HOOK3: variants seen among roughly 807,000 people sequenced by gnomAD.
HOOK3 encodes protein Hook homolog 3.
HOOK3 carries 24 observed loss-of-function variants against 116.3 expected under a neutral mutation model. The observed-to-expected ratio is 0.21, with a 90% CI of 0.15 to 0.29. HOOK3 has a LOEUF of 0.29. Ranked by LOEUF, HOOK3 falls within the 10% of genes least tolerant of loss-of-function variation. The probability of loss-of-function intolerance (pLI) is 1.00; values close to 1 mark genes in which losing one functional copy is unlikely to be tolerated. For missense variants in HOOK3, 632 were observed against 830.2 expected, an observed-to-expected ratio of 0.76 and a Z score of 2.93; for synonymous variants, 275 against 283.0, an observed-to-expected ratio of 0.97 and a Z score of 0.28.
chr8:42,954,083 T>C (rs1808391645), intron 6 of HOOK3, among the ~76,000 whole-genome samples: 2 of 152,178 alleles, frequency 1.3e-5, no homozygotes, highest in Admixed American at 1.3e-4. Flanking sequence ...AAGCATATCT[T>C]TGAAAAATAT....
intron 14 of HOOK3, among the ~76,000 whole-genome samples, chr8:42,984,905 A>G (rs755446624): frequency 1.3e-5 from 2 of 152,230 alleles, no homozygotes; most frequent in African/African-American, 2.4e-5. Flanking sequence ...TGTCTGAAAA[A>G]AAAGAACAAT....
rs1304856774 is a variant in HOOK3, at chr8:43,022,377, A to C, written c.*3879A>C. 4 of 205,248 alleles carry C rather than the reference A, an allele frequency of 1.9e-5. No individual in the cohort carries two copies. In the East Asian group the frequency reaches 3.0e-4, roughly 15 times the overall value. The allele number at this position is 205,248 out of a possible 1,614,324, so 12.7% of individuals were successfully genotyped here. ...TTCCTGGGGCCACGTTGGCTTGTGC[A>C]GTGGAGCTTGTCCAGGCACCAGCAT... On this transcript the variant is annotated 3_prime_UTR_variant, in exon 22 of 22. Transcript: ENST00000307602.
chr8:43,008,258 T>G (rs1015327987), intron 18 of HOOK3, among the ~76,000 whole-genome samples: 22 of 152,064 alleles, frequency 1.4e-4, no homozygotes, highest in African/African-American at 5.3e-4. Context: ...GACCTCGTGA[T>G]CTGCCCGCCT....
intron 5 of HOOK3, among the ~76,000 whole-genome samples, chr8:42,949,833 C>T (rs973164088): frequency 1.3e-5 from 2 of 151,240 alleles, no homozygotes; most frequent in East Asian, 1.9e-4. Flanking sequence ...AGGAGAGTGG[C>T]GTGAACCTGG....
At chr8:43,001,973 G>T in intron 16 of HOOK3, 134 bp from the exon 17 acceptor site, 1 of 597,480 alleles carries the variant, frequency 1.7e-6, no homozygotes. Context: ...TACATTGTGT[G>T]TTTTCAGCTC....
chr8:43,003,358 TA>T (rs779845898), intron 17 of HOOK3, among the ~76,000 whole-genome samples: 12 of 152,350 alleles, frequency 7.9e-5, no homozygotes, highest in Non-Finnish European at 1.5e-4. Flanking sequence ...GGCAGATTCT[TA>T]ATGTACTAGA....
chr8:42,907,609 G>A (rs1807335791), intron 2 of HOOK3, among the ~76,000 whole-genome samples: 1 of 152,078 alleles, frequency 6.6e-6, no homozygotes, highest in African/African-American at 2.4e-5. Flanking sequence ...GTTTGAGACT[G>A]TGGGCCTAGC....
intron 9 of HOOK3, among the ~76,000 whole-genome samples, chr8:42,965,371 T>C (rs1414278602): frequency 6.6e-6 from 1 of 152,030 alleles, no homozygotes; most frequent in South Asian, 2.1e-4. Context: ...ATAGACTTAT[T>C]TAAAGGGGTG....
At position 42,920,854 on chromosome 8, in the gene HOOK3, C is replaced by T. The variant is rs79250444; in HGVS notation, c.144-4703C>T. Among the ~76,000 whole-genome samples, 1,020 of 152,288 alleles carry T rather than the reference C, an allele frequency of 6.7e-3. 35 individuals carry two copies. Among genetic ancestry groups the T allele is most frequent in the East Asian group, 0.013 (66 of 5,190 alleles). On this transcript the variant is annotated intron_variant, in intron 2 of 21. Coordinates refer to ENST00000307602, the MANE Select transcript of HOOK3 (RefSeq NM_032410.4). ...CTTCCCTGCAGTGGTTTTGTGAATG[C>T]GCAGTGCCTGGTTCAATGCCTGGTA... is the stretch of plus-strand genomic sequence containing the variant.
At chr8:42,968,700 CTTTTA>C (rs1808675631) in intron 11 of HOOK3, among the ~76,000 whole-genome samples, 1 of 151,964 alleles carries the variant, frequency 6.6e-6, no homozygotes, top group African/African-American at 2.4e-5. Flanking sequence ...ATAGCAGGTA[CTTTTA>C]TTTTATTTAC....
intron 16 of HOOK3, among the ~76,000 whole-genome samples, chr8:43,000,443 G>A (rs1028707596): frequency 6.6e-6 from 1 of 152,142 alleles, no homozygotes; most frequent in African/African-American, 2.4e-5. Context: ...ATACTCAAAG[G>A]ATATCGAGCT....
Position 42,928,198 on chromosome 8 carries a change from G to GA in HOOK3, c.217-1922dup, listed in dbSNP as rs1476889266. Among the ~76,000 whole-genome samples the GA allele has an allele frequency of 2.0e-5, 3 of 152,236 alleles. No individual in the cohort carries two copies. In the East Asian group the frequency reaches 5.8e-4, roughly 29 times the overall value. Reference sequence around the variant, plus strand: ...GGAGGCTGAGGCAAGAGAATCACTTGAACCTGGGAGGTGGAGGTTGCAGTG... The same window carrying GA: ...GGAGGCTGAGGCAAGAGAATCACTTGAAACCTGGGAGGTGGAGGTTGCAGTG... On this transcript the variant is annotated intron_variant, in intron 3 of 21. Coordinates refer to ENST00000307602, the MANE Select transcript of HOOK3 (RefSeq NM_032410.4).
At position 42,919,518 on chromosome 8, in the gene HOOK3, G is replaced by A. The variant is rs534575455; in HGVS notation, c.144-6039G>A. ...AGACGATGGGCGGCCAGGCAGAGACGCTCCTCACTTCCTAGACGGGGTGGC... is the reference window on the plus strand; with the variant it reads ...AGACGATGGGCGGCCAGGCAGAGACACTCCTCACTTCCTAGACGGGGTGGC... On this transcript the variant is annotated intron_variant, in intron 2 of 21. Transcript: ENST00000307602. Among the ~76,000 whole-genome samples, 12 of 152,054 alleles carry A rather than the reference G, an allele frequency of 7.9e-5. No homozygotes were observed. In the South Asian group the frequency reaches 2.3e-3, roughly 29 times the overall value.
chr8:43,029,929 CATT>C lies in HOOK3; in HGVS notation c.*11432_*11434del, dbSNP rs1294044207. On this transcript the variant is annotated 3_prime_UTR_variant, in exon 22 of 22. Transcript: ENST00000307602. ...TTTGACATTGTAGTAATCCACCTTGCATTTTAGTCTTTGCAAAAAGGATATTGC... is the reference window on the plus strand; with the variant it reads ...TTTGACATTGTAGTAATCCACCTTGCTTAGTCTTTGCAAAAAGGATATTGC... The C allele has an allele frequency of 1.9e-4, 41 of 213,856 alleles. No individual in the cohort carries two copies. The highest frequency in any genetic ancestry group is 3.6e-4 in the Non-Finnish European group (38 of 105,868). The allele number at this position is 213,856 out of a possible 1,614,324, so 13.2% of individuals were successfully genotyped here.
chr8:42,900,702 A>T (rs1177424450), intron 1 of HOOK3, among the ~76,000 whole-genome samples: 1 of 152,250 alleles, frequency 6.6e-6, no homozygotes, highest in Non-Finnish European at 1.5e-5. Context: ...GACATTAGGC[A>T]GCCTGGGTTC....
At chr8:42,979,750 C>G (rs558723978) in intron 13 of HOOK3, among the ~76,000 whole-genome samples, 12 of 152,286 alleles carry the variant, frequency 7.9e-5, no homozygotes, top group African/African-American at 2.9e-4. Flanking sequence ...TTTACCGTTT[C>G]TAGACCAAGC....
In HOOK3 at chr8:43,013,387, C is replaced by T. The variant is rs1479910068; in HGVS notation, c.2003C>T (p.Ala668Val). 1 of 1,581,440 alleles carries T rather than the reference C, an allele frequency of 6.3e-7. No homozygotes were observed. Residue 668 changes from alanine (A) to valine (V), a missense_variant, in exon 21 of 22, where the codon GCC (alanine) becomes GTC (valine). This residue lies in a region of HOOK3 where 483 missense variants were observed against 648.1 expected (regional missense o/e 0.75). Coordinates refer to ENST00000307602, the MANE Select transcript of HOOK3 (RefSeq NM_032410.4). ...REMEEKYIVSAWYNMGMTLHK... is the reference protein window; with the variant it reads ...REMEEKYIVSVWYNMGMTLHK... ...ATGGAAGAGAAATATATTGTTAGTG[C>T]CTGGTACAATATGGTAAGAAAATAG...
At chr8:42,984,040 A>G (rs1809001680) in intron 14 of HOOK3, among the ~76,000 whole-genome samples, 1 of 152,140 alleles carries the variant, frequency 6.6e-6, no homozygotes, top group African/African-American at 2.4e-5. Context: ...CATAAATGGA[A>G]ACAATTTGTA....
chr8:42,993,159 C>T (rs567482026), intron 15 of HOOK3, among the ~76,000 whole-genome samples: 6 of 152,300 alleles, frequency 3.9e-5, no homozygotes. Context: ...TGGGATCAAT[C>T]CCATTTGGTC....
Sources: gnomAD v4.1 joint callset for allele counts (sites outside exome capture counted in the v4.1 genomes callset) on GRCh38, gnomAD v4.1.1 for gene constraint, gnomAD v4.1.1 regional missense constraint, MANE v1.5 for transcripts, NCBI Gene and HGNC (gene_info 2026-07-23, HGNC 2026-07-21) for gene names.